The following RAD50 variants were observed in gnomAD, a reference collection of about 807,000 sequenced individuals.
The protein encoded by RAD50 is DNA repair protein RAD50.
RAD50 carries 132 observed loss-of-function variants against 168.8 expected under a neutral mutation model. The observed-to-expected ratio is 0.78, with a 90% CI of 0.68 to 0.90. RAD50 has a LOEUF of 0.90. Among genes scored for constraint, RAD50 ranks in the 40% least tolerant of loss-of-function variants. The pLI is 0.00. For synonymous variants in RAD50, 525 were observed against 497.4 expected (o/e 1.06, Z -0.74); for missense variants, 1,347 against 1,534.4 (o/e 0.88, Z 2.04).
chr5:132,596,071 C>T (rs920666749), intron 13 of RAD50, among the ~76,000 whole-genome samples: 3 of 151,766 alleles, frequency 2.0e-5, no homozygotes, highest in Non-Finnish European at 4.4e-5. Flanking sequence ...GATCTTGGCT[C>T]ATTGCAACCT....
At position 132,588,514 on chromosome 5, in the gene RAD50, G is replaced by A. The variant is rs1175329470; in HGVS notation, c.1052-173G>A. 2.0e-5 allele frequency among the ~76,000 whole-genome samples: 3 copies of A among 152,168 alleles called. No individual in the cohort carries two copies. In the East Asian group the frequency reaches 5.8e-4, roughly 29 times the overall value. On this transcript the variant is annotated intron_variant, in intron 7 of 24. Transcript: ENST00000378823. Reference sequence around the variant, plus strand: ...AGATTGATGAATTATATCAATATCAGTATTCTGGTTGTGATATTTTACTGC... The same window carrying A: ...AGATTGATGAATTATATCAATATCAATATTCTGGTTGTGATATTTTACTGC...
chr5:132,625,591 C>T (rs570912087), intron 21 of RAD50, among the ~76,000 whole-genome samples: 20 of 152,162 alleles, frequency 1.3e-4, no homozygotes, highest in South Asian at 2.1e-4. Flanking sequence ...TTTAAATGTA[C>T]AATACATTGT....
rs1023524138 is a variant in RAD50 at position 132,591,268 on chromosome 5, C to G, written c.1497C>G (p.Thr499=). Reference sequence around the variant, plus strand: ...CTGAGAAAAACAGCAATGTAGAAACCTTAAAAATGGAAGTAATAAGTCTCC... The same window carrying G: ...CTGAGAAAAACAGCAATGTAGAAACGTTAAAAATGGAAGTAATAAGTCTCC... ...SKAEKNSNVE[T]LKMEVISLQN... The change falls in exon 10 of 25, where the codon ACC becomes ACG. Residue 499 remains threonine, a synonymous_variant. Transcript: ENST00000378823. The G allele has an allele frequency of 3.1e-6, 5 of 1,613,162 alleles. No homozygotes were observed. The Admixed American group carries it at 8.3e-5, about 27-fold the overall frequency.
At chr5:132,578,856 G>A (rs1296789105) in intron 3 of RAD50, among the ~76,000 whole-genome samples, 2 of 152,000 alleles carry the variant, frequency 1.3e-5, no homozygotes, top group Non-Finnish European at 2.9e-5. Flanking sequence ...AATACAAATT[G>A]AAATGTATAA....
rs1385042440 is a variant in RAD50 at position 132,642,867 on chromosome 5, A to G, written c.*503A>G. The G allele has an allele frequency of 2.6e-6, 1 of 379,166 alleles. No individual in the cohort carries two copies. Among genetic ancestry groups the G allele is most frequent in the Admixed American group, 3.4e-5 (1 of 29,022 alleles). 23.5% of individuals were successfully genotyped at this position (379,166 alleles called of 1,614,324 possible). On this transcript the variant is annotated 3_prime_UTR_variant, in exon 25 of 25. Coordinates refer to ENST00000378823, the MANE Select transcript of RAD50 (RefSeq NM_005732.4). Reference sequence around the variant, plus strand: ...GCTCTGCTTTTAACTTTATAAATCCAGTGACCTCTCTCTCTGGGACTTGGT... The same window carrying G: ...GCTCTGCTTTTAACTTTATAAATCCGGTGACCTCTCTCTCTGGGACTTGGT...
intron 2 of RAD50, among the ~76,000 whole-genome samples, chr5:132,575,086 C>T (rs1157999278): frequency 4.6e-5 from 7 of 152,204 alleles, no homozygotes; most frequent in Admixed American, 4.6e-4. Context: ...CAGCAGCACT[C>T]CACTCCTGGT....
At chr5:132,590,967 G>T (rs916415537) in intron 9 of RAD50, among the ~76,000 whole-genome samples, 1 of 152,180 alleles carries the variant, frequency 6.6e-6, no homozygotes, top group African/African-American at 2.4e-5. Context: ...TAATTTTACA[G>T]TAATTCTCAC....
chr5:132,602,119 A>G (rs770544298), intron 13 of RAD50, among the ~76,000 whole-genome samples: 19 of 152,202 alleles, frequency 1.2e-4, no homozygotes, highest in Non-Finnish European at 2.2e-4. Flanking sequence ...CCCAGAACTT[A>G]AAGCATAAAA....
chr5:132,595,452 TTATAA>T, intron 12 of RAD50, 116 bp from the exon 13 acceptor site: 1 of 592,100 alleles, frequency 1.7e-6, no homozygotes. Context: ...TTTATTTCTT[TTATAA>T]TATATTTATA....
chr5:132,610,027 G>GTATATATA (rs10598599), intron 19 of RAD50, among the ~76,000 whole-genome samples: 2 of 148,390 alleles, frequency 1.3e-5, no homozygotes, highest in Admixed American at 1.4e-4. Context: ...AGGTGTGTGT[G>GTATATATA]TATATATATA....
Position 132,642,804 on chromosome 5 carries a change from T to C in RAD50, c.*440T>C, listed in dbSNP as rs953228066. 1.7e-5 allele frequency: 6 copies of C among 353,440 alleles called. No homozygotes were observed. Among genetic ancestry groups the C allele is most frequent in the Admixed American group, 3.8e-5 (1 of 26,438 alleles). The allele number at this position is 353,440 out of a possible 1,614,324, so 21.9% of individuals were successfully genotyped here. On this transcript the variant is annotated 3_prime_UTR_variant, in exon 25 of 25. Coordinates refer to ENST00000378823, the MANE Select transcript of RAD50 (RefSeq NM_005732.4). ...TGTGGTTTGAAAAACTGAGTATTAA[T>C]ATCTGAGGATGACCAGAAATGGTGA...
chr5:132,600,959 A>G (rs1750877306), intron 13 of RAD50, among the ~76,000 whole-genome samples: 1 of 152,212 alleles, frequency 6.6e-6, no homozygotes, highest in Non-Finnish European at 1.5e-5. Context: ...ATAATTTTAA[A>G]AAACCTTGTG....
rs536105165 is a variant in RAD50 at position 132,627,251 on chromosome 5, A to C, written c.3389+8957A>C. ...ACTTCCTGGTTTAGAACCATAACTT[A>C]TTTCTATATATTTTGTAACTCTTCA... On this transcript the variant is annotated intron_variant, in intron 21 of 24. Coordinates refer to ENST00000378823, the MANE Select transcript of RAD50 (RefSeq NM_005732.4). 1.5e-3 allele frequency among the ~76,000 whole-genome samples: 228 copies of C among 152,218 alleles called. 1 individual carries two copies. Among genetic ancestry groups the C allele is most frequent in the Non-Finnish European group, 2.3e-3 (156 of 68,016 alleles).
Position 132,640,655 on chromosome 5 carries a change from T to C in RAD50, c.3619-17T>C, listed in dbSNP as rs767553753. 3.1e-6 allele frequency: 5 copies of C among 1,614,198 alleles called. No homozygotes were observed. The highest frequency in any genetic ancestry group is 2.2e-5 in the East Asian group (1 of 44,878). ...GAAGGTCTGTGCTGGGCTTCTCACA[T>C]AGGGGCTTTTTTCCAGGTATTAGCC... On this transcript the variant is annotated splice_polypyrimidine_tract_variant and intron_variant, in intron 23 of 24. Coordinates refer to ENST00000378823, the MANE Select transcript of RAD50 (RefSeq NM_005732.4).
At position 132,623,534 on chromosome 5, in the gene RAD50, G is replaced by C. The variant is rs62383754; in HGVS notation, c.3389+5240G>C. 4.8e-3 allele frequency among the ~76,000 whole-genome samples: 729 copies of C among 152,224 alleles called. 3 individuals are homozygous for C. The highest frequency in any genetic ancestry group is 7.7e-3 in the Non-Finnish European group (523 of 68,004). ...ACCCCAAGTTTAGTTTGTCTGTCAG[G>C]TTACATACTGACTGGTCTGGTTTTC... is the stretch of plus-strand genomic sequence containing the variant. On this transcript the variant is annotated intron_variant, in intron 21 of 24. Transcript: ENST00000378823.
intron 2 of RAD50, among the ~76,000 whole-genome samples, chr5:132,573,989 G>A (rs989935445): frequency 3.9e-5 from 6 of 152,198 alleles, no homozygotes; most frequent in East Asian, 3.8e-4. Context: ...TCACAGGCTG[G>A]TGTTGAGTGC....
chr5:132,591,836 A>T, intron 10 of RAD50, 41 bp from the exon 11 acceptor site: 1 of 1,438,486 alleles, frequency 7.0e-7, no homozygotes, highest in South Asian at 1.2e-5. Context: ...TAATGTGGAG[A>T]TATAGACTTT....
At chr5:132,581,617 A>G (rs1750506204) in intron 5 of RAD50, among the ~76,000 whole-genome samples, 1 of 152,174 alleles carries the variant, frequency 6.6e-6, no homozygotes, top group Non-Finnish European at 1.5e-5. Flanking sequence ...ACTTGTATGT[A>G]TGTGCATATT....
chr5:132,621,036 A>G (rs1003238724), intron 21 of RAD50, among the ~76,000 whole-genome samples: 3 of 152,156 alleles, frequency 2.0e-5, no homozygotes, highest in African/African-American at 7.2e-5. Flanking sequence ...ATAGACCCAC[A>G]TGGTTCAAAC....
Sources: gnomAD v4.1 joint callset for allele counts (sites outside exome capture counted in the v4.1 genomes callset) on GRCh38, gnomAD v4.1.1 for gene constraint, MANE v1.5 for transcripts, NCBI Gene and HGNC (gene_info 2026-07-23, HGNC 2026-07-21) for gene names.